The following SHISA9 variants were observed in gnomAD, a reference collection of about 807,000 sequenced individuals.
SHISA9 encodes the protein shisa family member 9.
Under a neutral mutation model 38.0 loss-of-function variants are expected in SHISA9, and 13 were observed. The ratio of observed to expected loss-of-function variants is 0.34; its 90% CI spans 0.22 to 0.54. The LOEUF (loss-of-function observed/expected upper bound fraction) is 0.54, where lower values mean the gene tolerates loss of function less well. Ranked by LOEUF, SHISA9 falls within the 20% of genes least tolerant of loss-of-function variation. SHISA9 has a pLI of 0.91. For missense variants in SHISA9, 538 were observed against 575.8 expected, an observed-to-expected ratio of 0.93 and a Z score of 0.67; for synonymous variants, 275 against 242.0, an observed-to-expected ratio of 1.14 and a Z score of -1.27.
intron 2 of SHISA9, among the ~76,000 whole-genome samples, chr16:13,190,698 C>T (rs1414972857): frequency 6.6e-6 from 1 of 152,202 alleles, no homozygotes; most frequent in Non-Finnish European, 1.5e-5. Flanking sequence ...ATTTGCAGCA[C>T]AACCGGGATT....
chr16:13,008,678 C>CCT lies in SHISA9; in HGVS notation c.691+91878_691+91879dup, dbSNP rs377118345. ...CCCTCCCTCCCTTCCTCCCTCCCTC[C>CCT]CTCTCTCTCTCTCTCTTTCCTGGCA... On this transcript the variant is annotated intron_variant, in intron 2 of 4. Coordinates refer to ENST00000558583, the MANE Select transcript of SHISA9 (RefSeq NM_001145204.3). Among the ~76,000 whole-genome samples, 26 of 125,350 alleles carry CCT rather than the reference C, an allele frequency of 2.1e-4. 1 individual carries two copies. Among genetic ancestry groups the CCT allele is most frequent in the African/African-American group, 7.9e-4 (25 of 31,786 alleles). The allele number at this position is 125,350 out of a possible 152,430, so 82.2% of individuals were successfully genotyped here. A position where few individuals can be genotyped will look rare whatever the true frequency, so the allele number is the denominator to read the frequency against.
At chr16:13,128,535 T>C (rs532851316) in intron 2 of SHISA9, among the ~76,000 whole-genome samples, 1 of 152,144 alleles carries the variant, frequency 6.6e-6, no homozygotes, top group African/African-American at 2.4e-5. Context: ...CCATGTAGGA[T>C]TGGTAAGAGA....
intron 2 of SHISA9, among the ~76,000 whole-genome samples, chr16:12,957,237 C>A (rs1326286524): frequency 6.6e-6 from 1 of 152,176 alleles, no homozygotes; most frequent in East Asian, 1.9e-4. Flanking sequence ...TCTTTTGAAC[C>A]CTTTCTACAA....
At chr16:13,354,520 C>T in the SHISA9 span, among the ~76,000 whole-genome samples, 9 of 149,992 alleles carry the variant, frequency 6.0e-5, no homozygotes, top group Admixed American at 2.7e-4. Flanking sequence ...CTGAAGGAGC[C>T]AGGGAGCAGA....
At chr16:12,955,206 C>T (rs967695257) in intron 2 of SHISA9, among the ~76,000 whole-genome samples, 3 of 152,194 alleles carry the variant, frequency 2.0e-5, no homozygotes, top group Non-Finnish European at 2.9e-5. Flanking sequence ...CATGTCAGGA[C>T]TGGCTGGATT....
chr16:13,128,339 T>TCAGGTGTTG (rs2141984846), intron 2 of SHISA9, among the ~76,000 whole-genome samples: 1 of 152,232 alleles, frequency 6.6e-6, no homozygotes, highest in East Asian at 1.9e-4. Context: ...AACAAACCTA[T>TCAGGTGTTG]CAGGTGTTGT....
chr16:13,098,590 A>G (rs978180905), intron 2 of SHISA9, among the ~76,000 whole-genome samples: 2 of 152,186 alleles, frequency 1.3e-5, no homozygotes, highest in Non-Finnish European at 2.9e-5. Flanking sequence ...TAAGACAGGA[A>G]GGAGGCCTGG....
chr16:13,004,237 C>T (rs531886294), intron 2 of SHISA9, among the ~76,000 whole-genome samples: 1 of 152,254 alleles, frequency 6.6e-6, no homozygotes, highest in African/African-American at 2.4e-5. Flanking sequence ...ACCAACTTGT[C>T]CATTTTATTG....
the SHISA9 span, among the ~76,000 whole-genome samples, chr16:13,440,711 G>A: frequency 1.2e-4 from 19 of 152,196 alleles, no homozygotes; most frequent in Middle Eastern, 3.4e-3. Flanking sequence ...GGCGGATCAC[G>A]AGGAAATCGA....
chr16:13,372,385 A>G, the SHISA9 span, among the ~76,000 whole-genome samples: 2 of 152,326 alleles, frequency 1.3e-5, no homozygotes, highest in African/African-American at 4.8e-5. Context: ...TATTCAGTCT[A>G]TCTAAGGTAA....
At chr16:13,460,612 G>C in the SHISA9 span, among the ~76,000 whole-genome samples, 3 of 152,168 alleles carry the variant, frequency 2.0e-5, no homozygotes, top group African/African-American at 7.2e-5. Flanking sequence ...GGATAGGTTC[G>C]AGTAGAACTT....
intron 4 of SHISA9, among the ~76,000 whole-genome samples, chr16:13,228,959 G>C (rs2051305101): frequency 6.6e-6 from 1 of 152,114 alleles, no homozygotes. Context: ...TCAGGACTTT[G>C]AGGCCAGCCT....
chr16:13,304,546 C>T, the SHISA9 span, among the ~76,000 whole-genome samples: 17 of 152,352 alleles, frequency 1.1e-4, no homozygotes, highest in African/African-American at 4.1e-4. Flanking sequence ...ATGTGAGCCA[C>T]TGTGCCTGGC....
chr16:13,432,333 A>G, the SHISA9 span, among the ~76,000 whole-genome samples: 1 of 152,216 alleles, frequency 6.6e-6, no homozygotes, highest in African/African-American at 2.4e-5. Flanking sequence ...GCAAGCCTGT[A>G]AATAAATAAA....
chr16:13,062,580 T>C (rs983957146), intron 2 of SHISA9, among the ~76,000 whole-genome samples: 11 of 152,076 alleles, frequency 7.2e-5, no homozygotes, highest in Middle Eastern at 3.2e-3. Flanking sequence ...TTTTGATTAG[T>C]TGAGGGTGTG....
intron 4 of SHISA9, among the ~76,000 whole-genome samples, chr16:13,222,415 T>G (rs1596745481): frequency 6.6e-6 from 1 of 152,184 alleles, no homozygotes; most frequent in Non-Finnish European, 1.5e-5. Flanking sequence ...TTGCTGTCAC[T>G]GTGTAATTCT....
chr16:13,095,177 G>T (rs972391581), intron 2 of SHISA9, among the ~76,000 whole-genome samples: 1 of 152,218 alleles, frequency 6.6e-6, no homozygotes, highest in East Asian at 1.9e-4. Flanking sequence ...TGTATTTGGA[G>T]CTTGTTTCTC....
intron 2 of SHISA9, among the ~76,000 whole-genome samples, chr16:12,929,046 C>T (rs966281765): frequency 3.3e-5 from 5 of 152,178 alleles, no homozygotes; most frequent in African/African-American, 1.2e-4. Flanking sequence ...AAAAGTGCAA[C>T]ATTACTGATC....
intron 2 of SHISA9, among the ~76,000 whole-genome samples, chr16:13,136,823 C>T (rs377665952): frequency 6.6e-6 from 1 of 152,078 alleles, no homozygotes; most frequent in African/African-American, 2.4e-5. Flanking sequence ...CTCCTATGCC[C>T]AGTAAAATTT....
Sources: allele counts gnomAD v4.1 joint callset (sites outside exome capture counted in the v4.1 genomes callset), GRCh38; gene constraint gnomAD v4.1.1; transcripts MANE v1.5; gene names NCBI Gene and HGNC (gene_info 2026-07-23, HGNC 2026-07-21).